PEX5L: variants seen among roughly 807,000 people sequenced by gnomAD.
PEX5L encodes the protein peroxisomal biogenesis factor 5 like.
Under a neutral mutation model 84.0 loss-of-function variants are expected in PEX5L, and 30 were observed. The ratio of observed to expected loss-of-function variants is 0.36; its 90% CI spans 0.27 to 0.48. PEX5L has a LOEUF of 0.48. Ranked by LOEUF, PEX5L falls within the 20% of genes least tolerant of loss-of-function variation. The probability of loss-of-function intolerance (pLI) is 0.99; values close to 1 mark genes in which losing one functional copy is unlikely to be tolerated. For missense variants in PEX5L, 533 were observed against 754.6 expected (o/e 0.71, Z 3.44); for synonymous variants, 270 against 283.1 (o/e 0.95, Z 0.46).
At position 179,971,589 on chromosome 3, in the gene PEX5L, C is replaced by T. The variant is rs1472705665; in HGVS notation, c.93+5G>A. 1.9e-6 allele frequency: 3 copies of T among 1,606,574 alleles called. No individual in the cohort carries two copies. Among genetic ancestry groups the T allele is most frequent in the Admixed American group, 3.4e-5 (2 of 58,852 alleles). ...AGTAGAAAATGTACGTAAGTATTCA[C>T]TTACCTGCTTTTGATCAACAATTAT... On this transcript the variant is annotated splice_donor_5th_base_variant and intron_variant, in intron 2 of 14. Transcript: ENST00000467460.
At chr3:179,901,639 G>A (rs532901377) in intron 2 of PEX5L, among the ~76,000 whole-genome samples, 16 of 152,114 alleles carry the variant, frequency 1.1e-4, no homozygotes, top group South Asian at 6.3e-4. Context: ...TTGAAATAAC[G>A]TTGACTGGAA....
chr3:179,815,320 C>T (rs1577204238), intron 10 of PEX5L, among the ~76,000 whole-genome samples: 1 of 152,224 alleles, frequency 6.6e-6, no homozygotes, highest in African/African-American at 2.4e-5. Context: ...CGCGGTGGCT[C>T]ATGCCTGTAA....
At chr3:179,956,545 C>G (rs1417525140) in intron 2 of PEX5L, among the ~76,000 whole-genome samples, 4 of 151,988 alleles carry the variant, frequency 2.6e-5, no homozygotes, top group African/African-American at 9.7e-5. Context: ...TATCTGTGTC[C>G]TCAATGAATG....
intron 8 of PEX5L, among the ~76,000 whole-genome samples, chr3:179,823,927 A>G (rs1180978974): frequency 6.6e-6 from 1 of 152,172 alleles, no homozygotes; most frequent in African/African-American, 2.4e-5. Flanking sequence ...CTTCTAGTCT[A>G]TTTAATAATC....
chr3:179,957,096 C>T (rs985583929), intron 2 of PEX5L, among the ~76,000 whole-genome samples: 2 of 151,944 alleles, frequency 1.3e-5, no homozygotes, highest in African/African-American at 2.4e-5. Context: ...GAAAAATGAG[C>T]GTAACATAAT....
At chr3:180,010,772 C>A (rs1789397420) in intron 1 of PEX5L, among the ~76,000 whole-genome samples, 1 of 152,020 alleles carries the variant, frequency 6.6e-6, no homozygotes, top group Admixed American at 6.6e-5. Context: ...CCTCTCTTTT[C>A]ATCTTTGCCA....
At chr3:179,813,095 C>G (rs550265298) in intron 10 of PEX5L, among the ~76,000 whole-genome samples, 1 of 152,164 alleles carries the variant, frequency 6.6e-6, no homozygotes, top group Admixed American at 6.5e-5. Flanking sequence ...ACAGCAACCT[C>G]TATTTTGATT....
intron 1 of PEX5L, among the ~76,000 whole-genome samples, chr3:180,025,370 C>T (rs1424873233): frequency 6.6e-6 from 1 of 152,158 alleles, no homozygotes; most frequent in African/African-American, 2.4e-5. Context: ...AGAGTATATA[C>T]TTTGCACTAC....
Position 179,874,402 on chromosome 3 carries a change from T to C in PEX5L, c.651A>G (p.Gln217=). 1 of 1,610,058 alleles carries C rather than the reference T, an allele frequency of 6.2e-7. No individual in the cohort carries two copies. The highest frequency in any genetic ancestry group is 1.1e-5 in the South Asian group (1 of 90,910). The change falls in exon 7 of 15, where the codon CAA becomes CAG. Residue 217 remains glutamine, a synonymous_variant. Transcript: ENST00000467460. ...CGCTTTTTCCACCACTCAGTTCTGG[T>C]TGAGATCTGTGTTCTGAGGACCTAT... ...ELLWSSEHRS[Q]PELSGGKSAL...
intron 2 of PEX5L, among the ~76,000 whole-genome samples, chr3:179,953,243 T>A (rs1291798198): frequency 6.6e-6 from 1 of 152,166 alleles, no homozygotes; most frequent in East Asian, 1.9e-4. Context: ...AAAGCCACAA[T>A]TGACAAATGG....
chr3:179,976,403 A>G (rs1219482030), intron 1 of PEX5L, among the ~76,000 whole-genome samples: 1 of 152,098 alleles, frequency 6.6e-6, no homozygotes, highest in African/African-American at 2.4e-5. Flanking sequence ...GTGAGAAAAG[A>G]CTTGTCTTCC....
At position 179,963,570 on chromosome 3, in the gene PEX5L, C is replaced by T. The variant is rs551514680; in HGVS notation, c.93+8024G>A. On this transcript the variant is annotated intron_variant, in intron 2 of 14. Transcript: ENST00000467460. ...GGATCTTAGAGACTCATGAATATAG[C>T]AAGTCATAAACTGGACCCCATGGGT... Among the ~76,000 whole-genome samples, 443 of 152,218 alleles carry T rather than the reference C, an allele frequency of 2.9e-3. 1 individual carries two copies. The highest frequency in any genetic ancestry group is 5.0e-3 in the Non-Finnish European group (340 of 68,010).
intron 7 of PEX5L, among the ~76,000 whole-genome samples, chr3:179,869,196 C>G (rs1281758781): frequency 6.6e-6 from 1 of 152,182 alleles, no homozygotes; most frequent in Non-Finnish European, 1.5e-5. Context: ...AAAAGCCTGT[C>G]TTGGAGCTCC....
chr3:179,852,932 A>T (rs1385903074), intron 8 of PEX5L, among the ~76,000 whole-genome samples: 1 of 152,186 alleles, frequency 6.6e-6, no homozygotes, highest in Non-Finnish European at 1.5e-5. Context: ...AGCACTCACT[A>T]GTGAAGAGAT....
intron 7 of PEX5L, among the ~76,000 whole-genome samples, chr3:179,859,967 A>C (rs1363756999): frequency 2.6e-5 from 4 of 152,254 alleles, no homozygotes; most frequent in African/African-American, 9.6e-5. Context: ...GTGGACCACT[A>C]GACCTTTTTC....
intron 2 of PEX5L, among the ~76,000 whole-genome samples, chr3:179,965,840 C>A (rs1783195568): frequency 6.6e-6 from 1 of 152,080 alleles, no homozygotes; most frequent in South Asian, 2.1e-4. Context: ...TTTTATATTA[C>A]TTGATACAAA....
At chr3:179,968,840 A>C (rs1367038515) in intron 2 of PEX5L, among the ~76,000 whole-genome samples, 1 of 152,086 alleles carries the variant, frequency 6.6e-6, no homozygotes, top group Non-Finnish European at 1.5e-5. Flanking sequence ...TTGTCAATAC[A>C]ATTTCACAAA....
intron 8 of PEX5L, among the ~76,000 whole-genome samples, chr3:179,835,943 T>C (rs1734785990): frequency 6.6e-6 from 1 of 152,180 alleles, no homozygotes. Context: ...TTGGTATTTT[T>C]TGATCAAATA....
chr3:179,937,374 A>G (rs1018329187), intron 2 of PEX5L, among the ~76,000 whole-genome samples: 2 of 152,072 alleles, frequency 1.3e-5, no homozygotes, highest in African/African-American at 4.8e-5. Flanking sequence ...AACTCTGTGT[A>G]TTATCTTTGT....
Sources: gnomAD v4.1 joint callset for allele counts (sites outside exome capture counted in the v4.1 genomes callset) on GRCh38, gnomAD v4.1.1 for gene constraint, MANE v1.5 for transcripts, NCBI Gene and HGNC (gene_info 2026-07-23, HGNC 2026-07-21) for gene names.